Variants in SHPRH observed in about 807,000 individuals in gnomAD.
SHPRH encodes SNF2 histone linker PHD RING helicase.
In SHPRH, 106 loss-of-function variants were observed where a neutral mutation model predicts 202.5. The ratio of observed to expected loss-of-function variants is 0.52; its 90% CI spans 0.45 to 0.62. The LOEUF (loss-of-function observed/expected upper bound fraction) is 0.62, where lower values mean the gene tolerates loss of function less well. Ranked by LOEUF, SHPRH falls within the 20% of genes least tolerant of loss-of-function variation. The pLI, the probability that SHPRH is intolerant of heterozygous loss-of-function variation, is 0.00. For synonymous variants in SHPRH, 729 were observed against 686.0 expected, an observed-to-expected ratio of 1.06 and a Z score of -0.98; for missense variants, 1,710 against 2,020.0, an observed-to-expected ratio of 0.85 and a Z score of 2.94.
intron 14 of SHPRH, among the ~76,000 whole-genome samples, chr6:145,930,006 GAC>G (rs1354016528): frequency 6.6e-6 from 1 of 152,082 alleles, no homozygotes; most frequent in Non-Finnish European, 1.5e-5. Flanking sequence ...TATTGACAAA[GAC>G]ACTGAAGTTC....
intron 27 of SHPRH, 73 bp downstream of exon 27, chr6:145,894,075 TAA>T: frequency 9.6e-7 from 1 of 1,038,346 alleles, no homozygotes; most frequent in South Asian, 1.7e-5. Flanking sequence ...ACAATAAATG[TAA>T]GTAAGCTAGT....
intron 25 of SHPRH, among the ~76,000 whole-genome samples, chr6:145,896,937 T>TA (rs1223805514): frequency 1.3e-5 from 2 of 151,054 alleles, no homozygotes; most frequent in Admixed American, 1.3e-4. Context: ...AACAACTACA[T>TA]AAAAAAAGAG....
chr6:145,918,238 GAAAATA>G lies in SHPRH; in HGVS notation c.4153-12_4153-7del, dbSNP rs1391102879. The G allele has an allele frequency of 8.6e-6, 13 of 1,506,156 alleles. No individual in the cohort carries two copies. Among genetic ancestry groups the G allele is most frequent in the Non-Finnish European group, 1.2e-5 (13 of 1,129,174 alleles). The allele number at this position is 1,506,156 out of a possible 1,614,324, so 93.3% of individuals were successfully genotyped here. A position where few individuals can be genotyped will look rare whatever the true frequency, so the allele number is the denominator to read the frequency against. ...TTTATTCGGTTTTGTTCTACCTAAAGAAAATAAAAATAAAAACTTCTTTATTCTTTC... is the reference window on the plus strand; with the variant it reads ...TTTATTCGGTTTTGTTCTACCTAAAGAAAATAAAAACTTCTTTATTCTTTC... On this transcript the variant is annotated splice_region_variant and splice_polypyrimidine_tract_variant and intron_variant, in intron 22 of 29. Coordinates refer to ENST00000275233, the MANE Select transcript of SHPRH (RefSeq NM_001042683.3).
chr6:145,905,069 T>G (rs149625319), intron 25 of SHPRH: 1 of 152,202 alleles, frequency 6.6e-6, no homozygotes, highest in African/African-American at 2.4e-5. Context: ...GCTAGAGCAA[T>G]CACTTCCTTA....
At chr6:145,919,658 T>C (rs1041861999) in intron 21 of SHPRH, among the ~76,000 whole-genome samples, 167 bp from the exon 22 acceptor site, 7 of 152,088 alleles carry the variant, frequency 4.6e-5, no homozygotes, top group Admixed American at 2.0e-4. Context: ...GAAATGTGAA[T>C]GAAAAAAATC....
intron 2 of SHPRH, among the ~76,000 whole-genome samples, chr6:145,873,405 A>G (rs1245660587): frequency 5.3e-5 from 8 of 152,124 alleles, no homozygotes; most frequent in Admixed American, 5.2e-4. Context: ...GATTATAGAA[A>G]ATAGCCAGTC....
chr6:145,918,406 T>C (rs1176580361), intron 22 of SHPRH, 174 bp from the exon 23 acceptor site: 1 of 404,438 alleles, frequency 2.5e-6, no homozygotes, highest in African/African-American at 2.1e-5. Context: ...AAATGATTTT[T>C]TTTTTTTTTT....
intron 25 of SHPRH, among the ~76,000 whole-genome samples, chr6:145,895,182 C>T (rs1371817861): frequency 2.0e-5 from 3 of 151,992 alleles, no homozygotes; most frequent in Admixed American, 2.0e-4. Context: ...TAAATTTACA[C>T]CCAGACATTT....
intron 21 of SHPRH, 91 bp downstream of exon 21, chr6:145,921,076 T>A: frequency 8.7e-7 from 1 of 1,147,592 alleles, no homozygotes; most frequent in Non-Finnish European, 1.2e-6. Context: ...AAGAAGATTT[T>A]AAAAAACTGG....
intron 25 of SHPRH, among the ~76,000 whole-genome samples, chr6:145,898,665 A>G (rs967797915): frequency 2.0e-5 from 3 of 152,050 alleles, no homozygotes; most frequent in South Asian, 4.1e-4. Flanking sequence ...GCAGGCTGTT[A>G]TAAGTTTCCT....
At chr6:145,923,393 G>A in intron 18 of SHPRH, among the ~76,000 whole-genome samples, 1 of 151,846 alleles carries the variant, frequency 6.6e-6, no homozygotes, top group Non-Finnish European at 1.5e-5. Context: ...ATTATGAAGT[G>A]TAAAATATTA....
rs1219174007 is a variant in SHPRH at position 145,885,690 on chromosome 6, G to T, written c.*1001C>A. 1.3e-5 allele frequency: 2 copies of T among 152,074 alleles called. No individual in the cohort carries two copies. Among genetic ancestry groups the T allele is most frequent in the Non-Finnish European group, 2.9e-5 (2 of 68,010 alleles). 9.4% of individuals were successfully genotyped at this position (152,074 alleles called of 1,614,324 possible). ...GCAACGATTTGCTTATGTGAACATGGCATTCTCTTGTTCAAAAGGTCAAAG... is the reference window on the plus strand; with the variant it reads ...GCAACGATTTGCTTATGTGAACATGTCATTCTCTTGTTCAAAAGGTCAAAG... On this transcript the variant is annotated 3_prime_UTR_variant, in exon 30 of 30. Transcript: ENST00000275233.
chr6:145,921,383 G>C lies in SHPRH; in HGVS notation c.3792C>G (p.Gly1264=). Residue 1264 remains glycine, a synonymous_variant, in exon 21 of 30, where the codon GGC becomes GGG. Transcript: ENST00000275233. ...TCATCTCCTCAAATATTGCAGTCTG[G>C]CCTTTGACTCTGAAAACATACCAGA... ...ESKLFSNTVK[G]QTAIFEEMIE... 6.2e-7 allele frequency: 1 copy of C among 1,612,094 alleles called. No homozygotes were observed. The highest frequency in any genetic ancestry group is 8.5e-7 in the Non-Finnish European group (1 of 1,178,926).
chr6:145,867,958 T>A (rs1779880871), intron 2 of SHPRH, among the ~76,000 whole-genome samples: 1 of 152,136 alleles, frequency 6.6e-6, no homozygotes, highest in Non-Finnish European at 1.5e-5. Flanking sequence ...CTTTGCCAAG[T>A]GCATTAGTTT....
At position 145,927,311 on chromosome 6, in the gene SHPRH, A is replaced by T. The variant is rs893388895; in HGVS notation, c.3113-34T>A. ...TTAAAATGTATTTAAAGCATACGAG[A>T]GTCACATATTTAGTTCCCAATGTCA... On this transcript the variant is annotated intron_variant, in intron 14 of 29. Coordinates refer to ENST00000275233, the MANE Select transcript of SHPRH (RefSeq NM_001042683.3). 9 of 1,576,132 alleles carry T rather than the reference A, an allele frequency of 5.7e-6. No homozygotes were observed. In the Admixed American group the frequency reaches 1.3e-4, roughly 24 times the overall value.
In SHPRH at chr6:145,950,533, T is replaced by G. The variant is rs148383918; in HGVS notation, c.764-51A>C. ...CAAAAACTGATAGGTTTTTTCTAACTATAAGCAATTCTTATTCTAAGAGCA... is the reference window on the plus strand; with the variant it reads ...CAAAAACTGATAGGTTTTTTCTAACGATAAGCAATTCTTATTCTAAGAGCA... On this transcript the variant is annotated intron_variant, in intron 3 of 29. Coordinates refer to ENST00000275233, the MANE Select transcript of SHPRH (RefSeq NM_001042683.3). 703 of 1,539,386 alleles carry G rather than the reference T, an allele frequency of 4.6e-4. 5 individuals carry two copies. The African/African-American group carries it at 8.4e-3, about 18-fold the overall frequency.
At chr6:145,864,399 T>G (rs1779677562) in exon 3 of SHPRH, 1 of 425,776 alleles carries the variant, frequency 2.3e-6, no homozygotes, top group Admixed American at 2.5e-5. Context: ...AATCACCAAA[T>G]CTCTCAACTG....
intron 3 of SHPRH, 145 bp from the exon 4 acceptor site, chr6:145,950,627 T>C (rs1413280526): frequency 2.3e-5 from 15 of 653,274 alleles, no homozygotes; most frequent in Non-Finnish European, 3.9e-5. Context: ...CTATCTTTAA[T>C]TCTTCATTAA....
rs1357512482 is a variant in SHPRH, at chr6:145,886,132, C to A, written c.*559G>T. The A allele has an allele frequency of 9.4e-6, 2 of 213,752 alleles. No homozygotes were observed. Among genetic ancestry groups the A allele is most frequent in the Non-Finnish European group, 9.4e-6 (1 of 106,732 alleles). 13.2% of individuals were successfully genotyped at this position (213,752 alleles called of 1,614,324 possible). On this transcript the variant is annotated 3_prime_UTR_variant, in exon 30 of 30. Coordinates refer to ENST00000275233, the MANE Select transcript of SHPRH (RefSeq NM_001042683.3). ...GCAGAAGAAACAAATAACTGTCTAA[C>A]ATTAACTTATTGTAAGGAGTTGTAT...
Sources: allele counts gnomAD v4.1 joint callset (sites outside exome capture counted in the v4.1 genomes callset), GRCh38; gene constraint gnomAD v4.1.1; transcripts MANE v1.5; gene names NCBI Gene and HGNC (gene_info 2026-07-23, HGNC 2026-07-21).